The following STAT5B variants were observed in gnomAD, a reference collection of about 807,000 sequenced individuals.
STAT5B encodes the protein transcription factor STAT5B.
STAT5B carries 21 observed loss-of-function variants against 107.8 expected under a neutral mutation model. That is an observed-to-expected ratio of 0.19 (90% confidence interval 0.14 to 0.28). The LOEUF (loss-of-function observed/expected upper bound fraction) is 0.28. Ranked by LOEUF, STAT5B falls within the 10% of genes least tolerant of loss-of-function variation. The pLI, the probability that STAT5B is intolerant of heterozygous loss-of-function variation, is 1.00. For missense variants in STAT5B, 565 were observed against 1,008.2 expected (o/e 0.56, Z 5.95); for synonymous variants, 325 against 401.7 (o/e 0.81, Z 2.28).
chr17:42,230,267 G>A (rs904777614), intron 2 of STAT5B, among the ~76,000 whole-genome samples: 13 of 152,082 alleles, frequency 8.5e-5, no homozygotes, highest in African/African-American at 2.9e-4. Context: ...ATTATTCTAA[G>A]GCAACATTAC....
the STAT5B span, chr17:42,288,295 G>C: frequency 1.3e-5 from 2 of 152,166 alleles, no homozygotes; most frequent in South Asian, 2.1e-4. This position sits in a 1 kb window ranked among gnomAD's most constrained non-coding sequence, Gnocchi z 4.8. Context: ...CCCCGCCGTC[G>C]GGGCAGCCCC....
intron 11 of STAT5B, 30 bp from the exon 12 acceptor site, chr17:42,216,136 C>T (rs750289983): frequency 6.3e-7 from 1 of 1,591,964 alleles, no homozygotes; most frequent in Non-Finnish European, 8.6e-7. Context: ...GGCTGAGCGC[C>T]CACGAGCCTC....
chr17:42,227,610 C>T lies in STAT5B; in HGVS notation c.204G>A (p.Leu68=), dbSNP rs776922169. ...CCACCTGGTGCTCTGCCTTCTTCTG[C>T]AGCTCCTGCACCAGGCCCTCCAGGA... ...TQLLEGLVQE[L]QKKAEHQVGE... Residue 68 remains leucine, a synonymous_variant, in exon 3 of 19, where the codon CTG becomes CTA. Coordinates refer to ENST00000293328, the MANE Select transcript of STAT5B (RefSeq NM_012448.4). 25 of 1,614,012 alleles carry T rather than the reference C, an allele frequency of 1.5e-5. No homozygotes were observed. Among genetic ancestry groups the T allele is most frequent in the South Asian group, 2.2e-5 (2 of 91,078 alleles).
At chr17:42,232,530 T>C (rs1167494336) in intron 1 of STAT5B, among the ~76,000 whole-genome samples, 1 of 152,140 alleles carries the variant, frequency 6.6e-6, no homozygotes, top group Non-Finnish European at 1.5e-5. Flanking sequence ...ATTACAGGCG[T>C]GAGCCACCAC....
At chr17:42,257,934 A>G (rs1458231479) in intron 1 of STAT5B, among the ~76,000 whole-genome samples, 1 of 152,200 alleles carries the variant, frequency 6.6e-6, no homozygotes, top group African/African-American at 2.4e-5. Context: ...GAATTTTATG[A>G]GAGTGCTGAA....
chr17:42,248,755 G>A (rs990487112), intron 1 of STAT5B, among the ~76,000 whole-genome samples: 5 of 152,190 alleles, frequency 3.3e-5, no homozygotes, highest in Non-Finnish European at 7.4e-5. Context: ...CACTGTTACC[G>A]GAAGAAGCGA....
chr17:42,282,025 G>A, the STAT5B span, among the ~76,000 whole-genome samples: 10 of 152,306 alleles, frequency 6.6e-5, no homozygotes, highest in African/African-American at 2.2e-4. Context: ...AGAGCAGGCA[G>A]AGGCCAGGGC....
At chr17:42,222,536 T>C (rs750152274) in intron 5 of STAT5B, among the ~76,000 whole-genome samples, 42 of 152,174 alleles carry the variant, frequency 2.8e-4, no homozygotes, top group Non-Finnish European at 4.0e-4. Flanking sequence ...CGTACCTGCT[T>C]AGAAAGGTTT....
intron 8 of STAT5B, 114 bp downstream of exon 8, chr17:42,218,609 G>C: frequency 6.3e-7 from 1 of 1,579,130 alleles, no homozygotes. Flanking sequence ...AGATGGAGTT[G>C]GGAGGGATGA....
chr17:42,266,583 T>C lies in STAT5B; in HGVS notation c.-11+9665A>G, dbSNP rs76363433. ...AAAAAAAATCATTCCCTTAAAATTA[T>C]ATGCTTTTTGGCCCGGTGCAGTGAC... On this transcript the variant is annotated intron_variant, in intron 1 of 18. Coordinates refer to ENST00000293328, the MANE Select transcript of STAT5B (RefSeq NM_012448.4). Among the ~76,000 whole-genome samples the C allele has an allele frequency of 5.9e-3, 894 of 151,446 alleles. 8 individuals are homozygous for C. Among genetic ancestry groups the C allele is most frequent in the African/African-American group, 0.021 (850 of 41,352 alleles).
In STAT5B at chr17:42,246,747, G is replaced by A. The variant is rs572056784; in HGVS notation, c.-10-14610C>T. Among the ~76,000 whole-genome samples, 8 of 152,222 alleles carry A rather than the reference G, an allele frequency of 5.3e-5. No individual in the cohort carries two copies. The South Asian group carries it at 6.2e-4, about 12-fold the overall frequency. ...GGCTGCAGTGAGCTATGATCACGCC[G>A]CTATGCTCAAGCCTGAGCCACAAAG... On this transcript the variant is annotated intron_variant, in intron 1 of 18. Transcript: ENST00000293328.
intron 1 of STAT5B, among the ~76,000 whole-genome samples, chr17:42,240,913 C>T (rs1015570424): frequency 3.3e-5 from 5 of 152,124 alleles, no homozygotes; most frequent in Non-Finnish European, 5.9e-5. Context: ...AAGGCTAGGG[C>T]TGGGTGACAG....
intron 16 of STAT5B, among the ~76,000 whole-genome samples, chr17:42,206,062 A>G (rs1234136037): frequency 6.6e-6 from 1 of 151,782 alleles, no homozygotes. Context: ...AAATTAATAT[A>G]TTTGTGTTTT....
the STAT5B span, among the ~76,000 whole-genome samples, chr17:42,282,454 G>A: frequency 6.6e-6 from 1 of 152,108 alleles, no homozygotes; most frequent in South Asian, 2.1e-4. Flanking sequence ...CTCCCAAATA[G>A]CTGGGATTAC....
At chr17:42,266,639 T>C (rs1036070095) in intron 1 of STAT5B, among the ~76,000 whole-genome samples, 3 of 151,266 alleles carry the variant, frequency 2.0e-5, no homozygotes, top group Non-Finnish European at 2.9e-5. Flanking sequence ...CTGTGGAAGG[T>C]TGAGGTGGGA....
chr17:42,207,497 ACACACAC>A, intron 16 of STAT5B, 54 bp downstream of exon 16: 2 of 1,467,178 alleles, frequency 1.4e-6, no homozygotes, highest in Non-Finnish European at 1.9e-6. Flanking sequence ...GCACACACAC[ACACACAC>A]ACACACACAC....
chr17:42,270,042 T>C (rs1178968051), intron 1 of STAT5B, among the ~76,000 whole-genome samples: 1 of 151,740 alleles, frequency 6.6e-6, no homozygotes, highest in Non-Finnish European at 1.5e-5. Flanking sequence ...AAACCCCGTC[T>C]CTACTAAAAA....
intron 15 of STAT5B, among the ~76,000 whole-genome samples, chr17:42,209,038 T>C (rs2080108219): frequency 6.9e-6 from 1 of 145,692 alleles, no homozygotes; most frequent in Non-Finnish European, 1.5e-5. Flanking sequence ...CAGCCTTTTT[T>C]TTTTTTTCTT....
intron 1 of STAT5B, among the ~76,000 whole-genome samples, chr17:42,258,771 C>G (rs1255001595): frequency 6.6e-6 from 1 of 152,194 alleles, no homozygotes; most frequent in Non-Finnish European, 1.5e-5. Flanking sequence ...CCTTCTGAAG[C>G]TCCGTTTGTT....
Sources: gnomAD v4.1 joint callset for allele counts (sites outside exome capture counted in the v4.1 genomes callset) on GRCh38, gnomAD v4.1.1 for gene constraint, Gnocchi (gnomAD v3.1) non-coding constraint, MANE v1.5 for transcripts, NCBI Gene and HGNC (gene_info 2026-07-23, HGNC 2026-07-21) for gene names.